EGFLAM: variants seen among roughly 807,000 people sequenced by gnomAD.
EGFLAM encodes the protein pikachurin.
A neutral mutation model predicts 113.1 loss-of-function variants in EGFLAM; 79 were observed. The ratio of observed to expected loss-of-function variants is 0.70; its 90% confidence interval spans 0.58 to 0.84. The LOEUF is 0.84. EGFLAM is among the 40% of genes least tolerant of loss of function. EGFLAM has a pLI of 0.00. For missense variants in EGFLAM, 1,265 were observed against 1,291.6 expected (o/e 0.98, Z 0.32); for synonymous variants, 504 against 487.6 (o/e 1.03, Z -0.44).
chr5:38,424,848 A>T, intron 12 of EGFLAM, 119 bp from the exon 13 acceptor site: 1 of 1,362,382 alleles, frequency 7.3e-7, no homozygotes, highest in Non-Finnish European at 9.8e-7. Flanking sequence ...CTGCAAATCA[A>T]CAGGAGTAAG....
At chr5:38,268,630 G>A (rs528562949) in intron 1 of EGFLAM, among the ~76,000 whole-genome samples, 8 of 152,278 alleles carry the variant, frequency 5.3e-5, no homozygotes, top group South Asian at 2.1e-4. Flanking sequence ...CTTTCCCATG[G>A]ATATTTTATA....
At chr5:38,260,122 A>T (rs889115470) in intron 1 of EGFLAM, among the ~76,000 whole-genome samples, 39 of 152,204 alleles carry the variant, frequency 2.6e-4, no homozygotes, top group African/African-American at 8.2e-4. Flanking sequence ...TAATAGCTTC[A>T]GTCCAAGGTA....
intron 16 of EGFLAM, among the ~76,000 whole-genome samples, chr5:38,437,756 C>T (rs1306447587): frequency 6.6e-6 from 1 of 152,132 alleles, no homozygotes; most frequent in African/African-American, 2.4e-5. Context: ...CAGAGGAGCG[C>T]GTCACTCCGC....
chr5:38,305,366 C>T (rs946217208), intron 1 of EGFLAM: 2 of 382,650 alleles, frequency 5.2e-6, no homozygotes, highest in Admixed American at 2.9e-5. Flanking sequence ...CCATACCCAG[C>T]CAAACTATCA....
intron 3 of EGFLAM, among the ~76,000 whole-genome samples, chr5:38,339,976 A>C (rs1299749718): frequency 1.3e-5 from 2 of 152,184 alleles, no homozygotes; most frequent in Non-Finnish European, 2.9e-5. Context: ...GAACTCACCA[A>C]GGAGTCTGAT....
chr5:38,457,066 TG>T (rs1412118604), intron 19 of EGFLAM, among the ~76,000 whole-genome samples: 1 of 152,218 alleles, frequency 6.6e-6, no homozygotes, highest in Non-Finnish European at 1.5e-5. Flanking sequence ...TCGGGGTATC[TG>T]GGAACTGAAA....
rs1741952229 is a variant in EGFLAM at position 38,425,027 on chromosome 5, CAATCAAAGCCG to C, written c.1747_1757del (p.Ile583LeufsTer11). 6.2e-7 allele frequency: 1 copy of C among 1,613,976 alleles called. No homozygotes were observed. Among genetic ancestry groups the C allele is most frequent in the African/African-American group, 1.3e-5 (1 of 74,908 alleles). On this transcript the variant is annotated frameshift_variant, in exon 13 of 22. Transcript: ENST00000322350. LOFTEE classifies it high-confidence loss of function. ...TGCATCCATGGTGGCACCTGCACAG[CAATCAAAGCCG>C]ACTCCTACATTTGCCTCTGTCCCCT...
intron 1 of EGFLAM, among the ~76,000 whole-genome samples, chr5:38,270,244 C>T (rs775243535): frequency 6.6e-6 from 1 of 152,208 alleles, no homozygotes; most frequent in Non-Finnish European, 1.5e-5. Context: ...TCCCCAAAAT[C>T]TTTTCAGATG....
At chr5:38,330,950 CA>C (rs1739024850) in intron 1 of EGFLAM, among the ~76,000 whole-genome samples, 1 of 151,854 alleles carries the variant, frequency 6.6e-6, no homozygotes. Context: ...AGATCTTTCA[CA>C]AATTAAGGGT....
At chr5:38,269,277 C>T (rs1313903418) in intron 1 of EGFLAM, among the ~76,000 whole-genome samples, 1 of 152,064 alleles carries the variant, frequency 6.6e-6, no homozygotes, top group Non-Finnish European at 1.5e-5. Context: ...AACTCTAGTC[C>T]CTCCCACCCC....
At chr5:38,451,932 C>T (rs540540823) in intron 19 of EGFLAM, among the ~76,000 whole-genome samples, 62 of 138,186 alleles carry the variant, frequency 4.5e-4, no homozygotes, top group African/African-American at 1.6e-3. Context: ...GCAGATGTTG[C>T]AGTGAGCTGA....
At chr5:38,445,904 C>G (rs1192907176) in intron 17 of EGFLAM, among the ~76,000 whole-genome samples, 1 of 152,160 alleles carries the variant, frequency 6.6e-6, no homozygotes, top group African/African-American at 2.4e-5. Context: ...CGCCCACAGA[C>G]CCCCTCGGAA....
intron 5 of EGFLAM, among the ~76,000 whole-genome samples, chr5:38,366,534 T>A (rs1269297369): frequency 2.0e-5 from 3 of 152,186 alleles, no homozygotes; most frequent in African/African-American, 7.2e-5. Flanking sequence ...CCTATGGGGT[T>A]TGATAGTATC....
At chr5:38,461,485 GA>G (rs1437840465) in intron 20 of EGFLAM, among the ~76,000 whole-genome samples, 2 of 151,900 alleles carry the variant, frequency 1.3e-5, no homozygotes, top group African/African-American at 4.8e-5. Context: ...AGAGTAAGTA[GA>G]AAAAAATGGA....
At chr5:38,303,045 G>A (rs1758634361) in intron 1 of EGFLAM, among the ~76,000 whole-genome samples, 1 of 152,078 alleles carries the variant, frequency 6.6e-6, no homozygotes, top group African/African-American at 2.4e-5. Flanking sequence ...GATAGGGAAG[G>A]GTTGCCATTC....
chr5:38,320,119 C>A (rs1013909805), intron 1 of EGFLAM, among the ~76,000 whole-genome samples: 1 of 152,236 alleles, frequency 6.6e-6, no homozygotes, highest in Non-Finnish European at 1.5e-5. Flanking sequence ...AAGCACCTGG[C>A]TAGGGACTCA....
In EGFLAM at chr5:38,463,896, C is replaced by T. The variant is rs1277196049; in HGVS notation, c.2940C>T (p.Ile980=). 1.9e-6 allele frequency: 3 copies of T among 1,614,218 alleles called. No homozygotes were observed. In the African/African-American group the frequency reaches 4.0e-5, roughly 22 times the overall value. The change falls in exon 22 of 22, where the codon ATC becomes ATT. Residue 980 remains isoleucine (I), a synonymous_variant. Coordinates refer to ENST00000322350, the MANE Select transcript of EGFLAM (RefSeq NM_152403.4). ...ATATGAGAGGGCTCGTGGGCTGTAT[C>T]TCTCACTTCACCCTGTCCACCGATT... ...RQYMRGLVGC[I]SHFTLSTDYH...
chr5:38,412,736 A>G, intron 11 of EGFLAM, 88 bp downstream of exon 11: 2 of 1,504,356 alleles, frequency 1.3e-6, no homozygotes, highest in Non-Finnish European at 8.8e-7. Context: ...GCCGTGGCAG[A>G]GTCTGCAGGA....
At chr5:38,437,009 G>T (rs1415061725) in intron 16 of EGFLAM, among the ~76,000 whole-genome samples, 1 of 152,192 alleles carries the variant, frequency 6.6e-6, no homozygotes, top group Non-Finnish European at 1.5e-5. Flanking sequence ...CCCCTGGGAG[G>T]TGTTCTTACT....
Sources: allele counts gnomAD v4.1 joint callset (sites outside exome capture counted in the v4.1 genomes callset), GRCh38; gene constraint gnomAD v4.1.1; transcripts MANE v1.5; gene names NCBI Gene and HGNC (gene_info 2026-07-23, HGNC 2026-07-21).